Variants in WDR7 observed in about 807,000 individuals in gnomAD.
WDR7 encodes the protein WD repeat-containing protein 7.
WDR7 carries 46 observed loss-of-function variants against 169.4 expected under a neutral mutation model. The observed-to-expected ratio is 0.27, with a 90% CI of 0.21 to 0.35. WDR7 has a LOEUF of 0.35. Among genes scored for constraint, WDR7 ranks in the 10% least tolerant of loss-of-function variants. WDR7 has a pLI of 1.00. For synonymous variants in WDR7, 612 were observed against 666.8 expected (o/e 0.92, Z 1.27); for missense variants, 1,534 against 1,859.3 (o/e 0.83, Z 3.22).
At chr18:56,756,132 G>A (rs1430755503) in intron 14 of WDR7, among the ~76,000 whole-genome samples, 1 of 152,172 alleles carries the variant, frequency 6.6e-6, no homozygotes, top group Non-Finnish European at 1.5e-5. Flanking sequence ...TCTTTGAATA[G>A]GGAGAGATTG....
At chr18:56,765,818 T>C (rs148623901) in intron 16 of WDR7, among the ~76,000 whole-genome samples, 4 of 151,358 alleles carry the variant, frequency 2.6e-5, no homozygotes, top group East Asian at 3.9e-4. Flanking sequence ...ATCTATCTAT[T>C]TATTTATTTA....
chr18:57,021,281 A>G (rs2048286066), intron 27 of WDR7, among the ~76,000 whole-genome samples: 1 of 152,126 alleles, frequency 6.6e-6, no homozygotes, highest in African/African-American at 2.4e-5. Context: ...GCCGTGAGCA[A>G]GGGCCGGCAT....
intron 14 of WDR7, among the ~76,000 whole-genome samples, chr18:56,754,200 A>G (rs2043838653): frequency 6.6e-6 from 1 of 150,724 alleles, no homozygotes; most frequent in Admixed American, 6.6e-5. Context: ...GTGAGAGGTG[A>G]AATTGGAAGG....
At chr18:56,939,138 AGAAAG>A (rs1402846946) in intron 24 of WDR7, among the ~76,000 whole-genome samples, 168 bp from the exon 25 acceptor site, 1 of 152,162 alleles carries the variant, frequency 6.6e-6, no homozygotes, top group Non-Finnish European at 1.5e-5. Context: ...CACAGATAAG[AGAAAG>A]GATAGACTGT....
intron 3 of WDR7, among the ~76,000 whole-genome samples, chr18:56,680,303 A>G (rs1469751849): frequency 1.3e-5 from 2 of 152,168 alleles, no homozygotes; most frequent in East Asian, 1.9e-4. Flanking sequence ...GGCTGTTATG[A>G]GCTGTGATTG....
chr18:56,890,501 A>G (rs2046250098), intron 21 of WDR7, among the ~76,000 whole-genome samples: 2 of 152,332 alleles, frequency 1.3e-5, no homozygotes, highest in South Asian at 4.1e-4. Context: ...ACAGAATTGC[A>G]ATTAATAACA....
chr18:56,975,255 G>A (rs1261441825), intron 26 of WDR7, among the ~76,000 whole-genome samples: 1 of 152,030 alleles, frequency 6.6e-6, no homozygotes. Flanking sequence ...GGGGCAAAGG[G>A]ATATTTGAGT....
chr18:57,002,371 G>A (rs955745187), intron 26 of WDR7, among the ~76,000 whole-genome samples: 1 of 152,118 alleles, frequency 6.6e-6, no homozygotes, highest in Non-Finnish European at 1.5e-5. Flanking sequence ...CTAGAAAAAT[G>A]TAAACTGTGC....
chr18:56,919,341 T>G (rs1375626295), intron 21 of WDR7, among the ~76,000 whole-genome samples: 3 of 152,174 alleles, frequency 2.0e-5, no homozygotes, highest in Non-Finnish European at 4.4e-5. Flanking sequence ...GCCTGGGAAG[T>G]GGATGCTGTG....
intron 20 of WDR7, among the ~76,000 whole-genome samples, chr18:56,817,578 G>T (rs1277869944): frequency 6.6e-6 from 1 of 151,908 alleles, no homozygotes; most frequent in African/African-American, 2.4e-5. Flanking sequence ...TGATGATGGT[G>T]GCTATTACTT....
chr18:56,719,056 A>C (rs1263176433), intron 13 of WDR7, among the ~76,000 whole-genome samples: 1 of 152,234 alleles, frequency 6.6e-6, no homozygotes, highest in Non-Finnish European at 1.5e-5. Flanking sequence ...GACAAGAGGA[A>C]GCATTCTTGA....
At chr18:57,005,388 C>G (rs1280906100) in intron 26 of WDR7, among the ~76,000 whole-genome samples, 2 of 152,042 alleles carry the variant, frequency 1.3e-5, no homozygotes, top group Admixed American at 6.6e-5. Context: ...TTAAAGTGAT[C>G]TGGCAACTAT....
chr18:57,019,402 A>G (rs2048254313), intron 26 of WDR7, among the ~76,000 whole-genome samples: 1 of 152,188 alleles, frequency 6.6e-6, no homozygotes, highest in Non-Finnish European at 1.5e-5. Context: ...AGTTTCTTAA[A>G]TAACGTGGCC....
chr18:56,959,575 A>T (rs2047308036), intron 25 of WDR7, among the ~76,000 whole-genome samples: 1 of 152,152 alleles, frequency 6.6e-6, no homozygotes, highest in African/African-American at 2.4e-5. Flanking sequence ...CCTAAGTGAC[A>T]TGTTATCAAC....
At chr18:56,724,979 G>T (rs2026410412) in intron 13 of WDR7, among the ~76,000 whole-genome samples, 1 of 151,976 alleles carries the variant, frequency 6.6e-6, no homozygotes, top group South Asian at 2.1e-4. Flanking sequence ...CAAAGGACAT[G>T]AACTCATTCT....
At chr18:56,858,305 T>A (rs561847589) in intron 20 of WDR7, among the ~76,000 whole-genome samples, 1 of 152,286 alleles carries the variant, frequency 6.6e-6, no homozygotes, top group Non-Finnish European at 1.5e-5. Flanking sequence ...AGCTACTGCC[T>A]CTGTCTCAAA....
intron 20 of WDR7, among the ~76,000 whole-genome samples, chr18:56,836,781 A>G (rs559608391): frequency 6.6e-6 from 1 of 152,228 alleles, no homozygotes; most frequent in Admixed American, 6.5e-5. Flanking sequence ...AAGATAGTCC[A>G]TTAGTCAACG....
At chr18:56,665,532 T>C (rs2025001628) in intron 1 of WDR7, among the ~76,000 whole-genome samples, 1 of 152,208 alleles carries the variant, frequency 6.6e-6, no homozygotes, top group Non-Finnish European at 1.5e-5. Flanking sequence ...TTCAGAATTA[T>C]TCAAAGTGTG....
Position 56,938,404 on chromosome 18 carries a change from G to A in WDR7, c.3832-129G>A, listed in dbSNP as rs1027312959. 34 of 1,191,912 alleles carry A rather than the reference G, an allele frequency of 2.9e-5. No homozygotes were observed. In the East Asian group the frequency reaches 8.2e-4, roughly 29 times the overall value. 73.8% of individuals were successfully genotyped at this position (1,191,912 alleles called of 1,614,324 possible). On this transcript the variant is annotated intron_variant, in intron 23 of 27. Coordinates refer to ENST00000254442, the MANE Select transcript of WDR7 (RefSeq NM_015285.3). ...CTAAGTATTGTTTTTGTAAACAAAA[G>A]TATTTTCTGACTCACCCACAAGAAG...
Sources: gnomAD v4.1 joint callset for allele counts (sites outside exome capture counted in the v4.1 genomes callset) on GRCh38, gnomAD v4.1.1 for gene constraint, MANE v1.5 for transcripts, NCBI Gene and HGNC (gene_info 2026-07-23, HGNC 2026-07-21) for gene names.